The following SMARCA1 variants were observed in gnomAD, a reference collection of about 807,000 sequenced individuals.
The protein encoded by SMARCA1 is SWI/SNF-related matrix-associated actin-dependent regulator of chromatin subfamily A member 1.
Under a neutral mutation model 93.6 loss-of-function variants are expected in SMARCA1, and 17 were observed. The observed-to-expected ratio is 0.18, with a 90% CI of 0.12 to 0.27. The LOEUF is 0.27. Among genes scored for constraint, SMARCA1 ranks in the 10% least tolerant of loss-of-function variants. The pLI is 1.00. For missense variants in SMARCA1, 630 were observed against 819.0 expected, an observed-to-expected ratio of 0.77 and a Z score of 2.82; for synonymous variants, 271 against 271.4, an observed-to-expected ratio of 1.00 and a Z score of 0.01.
At chrX:129,450,719 T>C (rs1932250258) in intron 23 of SMARCA1, among the ~76,000 whole-genome samples, 1 of 111,322 alleles carries the variant, frequency 9.0e-6, no homozygotes, top group African/African-American at 3.3e-5. Context: ...TTAACAATAA[T>C]GTTACTAGTG....
Position 129,515,622 on chromosome X carries a change from GT to G in SMARCA1, c.630+64del, listed in dbSNP as rs1288401920. 14 of 808,341 alleles carry G rather than the reference GT, an allele frequency of 1.7e-5. No individual in the cohort carries two copies. In the African/African-American group the frequency reaches 2.8e-4, roughly 16 times the overall value. 66.6% of individuals were successfully genotyped at this position (808,341 alleles called of 1,213,427 possible). On this transcript the variant is annotated intron_variant, in intron 5 of 24. Transcript: ENST00000371121. ...GCATCAGGGGGGCAGGTAAGCTCAG[GT>G]TTTTCAAATTTACATAAAAATCATT... is the stretch of plus-strand genomic sequence containing the variant.
At chrX:129,478,717 A>C (rs941698758) in intron 19 of SMARCA1, among the ~76,000 whole-genome samples, 1 of 112,047 alleles carries the variant, frequency 8.9e-6, no homozygotes, top group Admixed American at 9.5e-5. Context: ...TATCATGGGG[A>C]ACAAAATTTC....
intron 7 of SMARCA1, among the ~76,000 whole-genome samples, chrX:129,507,376 C>T (rs1002556239): frequency 9.8e-5 from 11 of 111,992 alleles, no homozygotes; most frequent in African/African-American, 2.9e-4. Context: ...TCAATACAAA[C>T]GATATTTGCA....
At chrX:129,493,460 T>C (rs1389578123) in intron 12 of SMARCA1, among the ~76,000 whole-genome samples, 1 of 111,466 alleles carries the variant, frequency 9.0e-6, no homozygotes, top group Non-Finnish European at 1.9e-5. Context: ...GCAATCTTTT[T>C]TAAAATAAAT....
chrX:129,483,831 G>C (rs949382162), intron 17 of SMARCA1, among the ~76,000 whole-genome samples: 1 of 112,205 alleles, frequency 8.9e-6, no homozygotes, highest in Non-Finnish European at 1.9e-5. Context: ...TAATGCAACT[G>C]ATTCAACAAA....
At chrX:129,516,033 A>G in intron 3 of SMARCA1, 39 bp from the exon 4 acceptor site, 1 of 965,720 alleles carries the variant, frequency 1.0e-6, no homozygotes, top group Non-Finnish European at 1.5e-6. Flanking sequence ...ATTCGACCTA[A>G]ATGATAAGGT....
chrX:129,521,431 C>G (rs975892263), intron 1 of SMARCA1, among the ~76,000 whole-genome samples: 2 of 111,991 alleles, frequency 1.8e-5, no homozygotes, highest in African/African-American at 3.2e-5. Flanking sequence ...CAGGAAGTTC[C>G]TGACATACAG....
At chrX:129,494,692 C>T (rs1474898067) in intron 12 of SMARCA1, among the ~76,000 whole-genome samples, 1 of 111,337 alleles carries the variant, frequency 9.0e-6, no homozygotes, top group African/African-American at 3.3e-5. Context: ...TGCAATATGC[C>T]GTTTAAAACT....
intron 21 of SMARCA1, among the ~76,000 whole-genome samples, chrX:129,468,229 G>C (rs1932975960): frequency 1.8e-5 from 2 of 112,335 alleles, no homozygotes; most frequent in Non-Finnish European, 3.8e-5. Flanking sequence ...AGGTGAGTAA[G>C]AGAGGGAGAG....
intron 12 of SMARCA1, among the ~76,000 whole-genome samples, chrX:129,495,311 A>G (rs147645703): frequency 8.9e-6 from 1 of 112,300 alleles, no homozygotes; most frequent in African/African-American, 3.2e-5. Flanking sequence ...GTTTAATATT[A>G]TAAGTGTTTT....
At chrX:129,494,736 C>T (rs2124287066) in intron 12 of SMARCA1, among the ~76,000 whole-genome samples, 1 of 111,806 alleles carries the variant, frequency 8.9e-6, no homozygotes, top group East Asian at 2.8e-4. Flanking sequence ...ACAACATTGT[C>T]AGAGAAAGAA....
intron 7 of SMARCA1, 58 bp downstream of exon 7, chrX:129,507,883 G>C: frequency 8.7e-6 from 7 of 806,684 alleles, no homozygotes; most frequent in Non-Finnish European, 1.2e-5. Context: ...ATACAGAAAA[G>C]TGAACAAACC....
At chrX:129,458,450 A>T (rs1569424643) in intron 23 of SMARCA1, among the ~76,000 whole-genome samples, 1 of 111,818 alleles carries the variant, frequency 8.9e-6, no homozygotes, top group East Asian at 2.8e-4. Flanking sequence ...TCAAGTTTCA[A>T]TTTTTGAATA....
intron 23 of SMARCA1, 66 bp downstream of exon 23, chrX:129,465,454 A>G: frequency 1.4e-6 from 1 of 694,094 alleles, no homozygotes; most frequent in Non-Finnish European, 2.2e-6. Flanking sequence ...TAGGTGAAGG[A>G]TATATGGCAT....
At chrX:129,516,634 T>A in intron 2 of SMARCA1, 137 bp from the exon 3 acceptor site, 1 of 500,981 alleles carries the variant, frequency 2.0e-6, no homozygotes, top group Non-Finnish European at 3.2e-6. Context: ...ACCTATGACG[T>A]AATTACAAGT....
intron 1 of SMARCA1, among the ~76,000 whole-genome samples, chrX:129,522,762 T>C: frequency 9.0e-6 from 1 of 111,634 alleles, no homozygotes; most frequent in Middle Eastern, 4.6e-3. Context: ...AGTGTGGGAT[T>C]GAAGGGCCCA....
intron 17 of SMARCA1, 134 bp from the exon 18 acceptor site, chrX:129,481,319 A>T: frequency 2.2e-6 from 1 of 448,436 alleles, no homozygotes; most frequent in Non-Finnish European, 3.8e-6. Flanking sequence ...CTTATAAATC[A>T]CAATTTACCT....
At chrX:129,514,123 C>T (rs982010647) in intron 5 of SMARCA1, among the ~76,000 whole-genome samples, 3 of 112,336 alleles carry the variant, frequency 2.7e-5, no homozygotes, top group East Asian at 2.8e-4. Flanking sequence ...GTCAGGAGAT[C>T]GAGACCATCG....
intron 14 of SMARCA1, among the ~76,000 whole-genome samples, chrX:129,491,382 T>C (rs1934123768): frequency 8.9e-6 from 1 of 111,848 alleles, no homozygotes; most frequent in Non-Finnish European, 1.9e-5. Flanking sequence ...AGTGTCATGA[T>C]GAAAGGTCAG....
Sources: allele counts gnomAD v4.1 joint callset (sites outside exome capture counted in the v4.1 genomes callset), GRCh38; gene constraint gnomAD v4.1.1; transcripts MANE v1.5; gene names NCBI Gene and HGNC (gene_info 2026-07-23, HGNC 2026-07-21).